The following SLCO3A1 variants were observed in gnomAD, a reference collection of about 807,000 sequenced individuals.
SLCO3A1 encodes solute carrier organic anion transporter family member 3A1, also known as PGE1 transporter.
In SLCO3A1, 27 loss-of-function variants were observed where a neutral mutation model predicts 63.1. That is an observed-to-expected ratio of 0.43 (90% CI 0.32 to 0.59). The LOEUF is 0.59. Among genes scored for constraint, SLCO3A1 ranks in the 20% least tolerant of loss-of-function variants. The pLI, the probability that SLCO3A1 is intolerant of heterozygous loss-of-function variation, is 0.09. For synonymous variants in SLCO3A1, 473 were observed against 409.9 expected (o/e 1.15, Z -1.86); for missense variants, 773 against 945.8 (o/e 0.82, Z 2.40).
At chr15:91,873,563 C>T (rs911894192) in intron 1 of SLCO3A1, among the ~76,000 whole-genome samples, 4 of 146,322 alleles carry the variant, frequency 2.7e-5, no homozygotes, top group African/African-American at 5.2e-5. Flanking sequence ...CACACACACA[C>T]ACATACATAC....
In SLCO3A1 at chr15:91,883,113, C is replaced by A. The variant is rs1567170287; in HGVS notation, c.180+29025C>A. ...CCAGCCATTCAGATTCCAGTCCTCT[C>A]TGTCAGCTCCTCTTAATCTCCATGT... is the stretch of plus-strand genomic sequence containing the variant. On this transcript the variant is annotated intron_variant, in intron 1 of 9. Coordinates refer to ENST00000318445, the MANE Select transcript of SLCO3A1 (RefSeq NM_013272.4). This position sits in a 1 kb window ranked among gnomAD's most constrained non-coding sequence, Gnocchi z 4.8. 6.6e-6 allele frequency among the ~76,000 whole-genome samples: 1 copy of A among 152,218 alleles called. No individual in the cohort carries two copies. Among genetic ancestry groups the A allele is most frequent in the African/African-American group, 2.4e-5 (1 of 41,470 alleles).
Position 91,950,214 on chromosome 15 carries a change from AGTCTGCATGCTCAGGGCT to A in SLCO3A1, c.646+33758_646+33775del, listed in dbSNP as rs372279221. On this transcript the variant is annotated intron_variant, in intron 2 of 9. Coordinates refer to ENST00000318445, the MANE Select transcript of SLCO3A1 (RefSeq NM_013272.4). The surrounding 1 kb of genome is among the most constrained non-coding windows in gnomAD (Gnocchi z 4.4). Reference sequence around the variant, plus strand: ...GAGGTAGGGAGGCCTGATGGTATGGAGTCTGCATGCTCAGGGCTGCCTGCTGTGGCCAGAGATTCGGGT... The same window carrying A: ...GAGGTAGGGAGGCCTGATGGTATGGAGCCTGCTGTGGCCAGAGATTCGGGT... 1.5e-4 allele frequency among the ~76,000 whole-genome samples: 23 copies of A among 152,256 alleles called. No individual in the cohort carries two copies. Among genetic ancestry groups the A allele is most frequent in the African/African-American group, 5.3e-4 (22 of 41,550 alleles).
intron 2 of SLCO3A1, among the ~76,000 whole-genome samples, chr15:91,989,762 A>G (rs970633400): frequency 3.3e-5 from 5 of 152,242 alleles, no homozygotes; most frequent in African/African-American, 1.2e-4. Flanking sequence ...AGGGACATGA[A>G]TATCACAAAA....
At chr15:92,086,914 C>T (rs1567112042) in intron 2 of SLCO3A1, among the ~76,000 whole-genome samples, 1 of 150,108 alleles carries the variant, frequency 6.7e-6, no homozygotes, top group Non-Finnish European at 1.5e-5. Flanking sequence ...GTGGGGACGG[C>T]AGAGGTTCCA....
At chr15:92,003,810 G>A (rs1358323682) in intron 2 of SLCO3A1, among the ~76,000 whole-genome samples, 1 of 152,192 alleles carries the variant, frequency 6.6e-6, no homozygotes, top group Admixed American at 6.5e-5. Context: ...GCCTGGCCAG[G>A]CTGTGGGTCG....
intron 2 of SLCO3A1, among the ~76,000 whole-genome samples, chr15:92,000,894 C>T (rs958184212): frequency 1.5e-4 from 23 of 152,170 alleles, no homozygotes; most frequent in African/African-American, 5.5e-4. Context: ...TTGGGATGCT[C>T]TGTCTCCTGC....
intron 2 of SLCO3A1, among the ~76,000 whole-genome samples, chr15:92,090,203 G>A (rs2047454550): frequency 6.6e-6 from 1 of 152,158 alleles, no homozygotes; most frequent in African/African-American, 2.4e-5. Context: ...GGAAAACTCA[G>A]CTCACAAAGA....
Position 92,164,172 on chromosome 15 carries a change from G to A in SLCO3A1, c.*1037G>A. 5 of 985,142 alleles carry A rather than the reference G, an allele frequency of 5.1e-6. No individual in the cohort carries two copies. The highest frequency in any genetic ancestry group is 4.7e-5 in the South Asian group (1 of 21,276). The allele number at this position is 985,142 out of a possible 1,614,324, so 61.0% of individuals were successfully genotyped here. On this transcript the variant is annotated 3_prime_UTR_variant, in exon 10 of 10. Transcript: ENST00000318445. ...TTCTCTAGGCCGGATTTATTATGCT[G>A]GTTGCTTTTACTTTTTTTCTCCTTT...
chr15:92,077,156 A>C (rs995133545), intron 2 of SLCO3A1, among the ~76,000 whole-genome samples: 17 of 152,096 alleles, frequency 1.1e-4, no homozygotes, highest in African/African-American at 4.1e-4. Flanking sequence ...AACCACCCCC[A>C]TTATTCAGTT....
In SLCO3A1 at chr15:92,135,377, G is replaced by A. The variant is rs28523400; in HGVS notation, c.1512+6888G>A. Among the ~76,000 whole-genome samples, 664 of 152,310 alleles carry A rather than the reference G, an allele frequency of 4.4e-3. 5 individuals carry two copies. The highest frequency in any genetic ancestry group is 0.015 in the African/African-American group (639 of 41,574). On this transcript the variant is annotated intron_variant, in intron 7 of 9. Transcript: ENST00000318445. Reference sequence around the variant, plus strand: ...AGGCTCACGCGCCACAGGTTACCGGGGTGCAAGGTGGAAGGAGGTCTTGCT... The same window carrying A: ...AGGCTCACGCGCCACAGGTTACCGGAGTGCAAGGTGGAAGGAGGTCTTGCT...
intron 2 of SLCO3A1, among the ~76,000 whole-genome samples, chr15:92,001,279 C>A (rs573725843): frequency 6.6e-6 from 1 of 152,224 alleles, no homozygotes; most frequent in East Asian, 1.9e-4. Flanking sequence ...TCCTCTTTTC[C>A]AACCACTGGG....
At position 91,874,030 on chromosome 15, in the gene SLCO3A1, A is replaced by G. The variant is rs148772427; in HGVS notation, c.180+19942A>G. On this transcript the variant is annotated intron_variant, in intron 1 of 9. Transcript: ENST00000318445. Reference sequence around the variant, plus strand: ...TTGCTCTTGGGGGATATGTTCCAAGACCCCTGATATGGATGCCTGGAACCT... The same window carrying G: ...TTGCTCTTGGGGGATATGTTCCAAGGCCCCTGATATGGATGCCTGGAACCT... 4.4e-3 allele frequency among the ~76,000 whole-genome samples: 676 copies of G among 152,094 alleles called. 8 individuals carry two copies. Among genetic ancestry groups the G allele is most frequent in the African/African-American group, 0.015 (640 of 41,444 alleles).
intron 2 of SLCO3A1, among the ~76,000 whole-genome samples, chr15:91,927,229 G>GT (rs1369456272): frequency 2.0e-5 from 3 of 152,016 alleles, no homozygotes; most frequent in African/African-American, 4.8e-5. Context: ...AACCGTGGGT[G>GT]TTTTGGGTAA....
chr15:92,072,778 A>T (rs8033260), intron 2 of SLCO3A1, among the ~76,000 whole-genome samples: 15 of 152,058 alleles, frequency 9.9e-5, no homozygotes, highest in African/African-American at 3.6e-4. Context: ...TGTGTCTATT[A>T]TAAGGACACT....
intron 2 of SLCO3A1, among the ~76,000 whole-genome samples, chr15:92,018,901 C>G (rs948474976): frequency 1.3e-5 from 2 of 152,180 alleles, no homozygotes; most frequent in African/African-American, 4.8e-5. Context: ...GCATCTGATG[C>G]CGCTACCATC....
chr15:91,999,225 G>A (rs77241750), intron 2 of SLCO3A1, among the ~76,000 whole-genome samples: 1,903 of 152,158 alleles, frequency 0.013, 45 homozygotes, highest in African/African-American at 0.043. Context: ...CCAAACCTCA[G>A]CATCACACAA....
At chr15:92,046,183 T>C (rs928172619) in intron 2 of SLCO3A1, among the ~76,000 whole-genome samples, 2 of 152,094 alleles carry the variant, frequency 1.3e-5, no homozygotes, top group South Asian at 4.1e-4. Flanking sequence ...GTAAGCTATA[T>C]TGGACAGCCT....
chr15:91,857,340 A>G (rs1023232904), intron 1 of SLCO3A1, among the ~76,000 whole-genome samples: 4 of 152,194 alleles, frequency 2.6e-5, no homozygotes, highest in Admixed American at 1.3e-4. Flanking sequence ...TCTGAAATCT[A>G]TTACGGTTAC....
At chr15:91,877,490 G>T (rs1247106477) in intron 1 of SLCO3A1, among the ~76,000 whole-genome samples, 1 of 152,196 alleles carries the variant, frequency 6.6e-6, no homozygotes, top group Non-Finnish European at 1.5e-5. Flanking sequence ...TTTTGCTCAT[G>T]ACATCACTGC....
Sources: gnomAD v4.1 joint callset for allele counts (sites outside exome capture counted in the v4.1 genomes callset) on GRCh38, gnomAD v4.1.1 for gene constraint, Gnocchi (gnomAD v3.1) non-coding constraint, MANE v1.5 for transcripts, NCBI Gene and HGNC (gene_info 2026-07-23, HGNC 2026-07-21) for gene names.